The following PIEZO2 variants were observed in gnomAD, a reference collection of about 807,000 sequenced individuals.
PIEZO2 encodes piezo type mechanosensitive ion channel component 2.
In PIEZO2, 172 loss-of-function variants were observed where a neutral mutation model predicts 337.3. The ratio of observed to expected loss-of-function variants is 0.51; its 90% CI spans 0.45 to 0.58. The LOEUF (loss-of-function observed/expected upper bound fraction) is 0.58. Ranked by LOEUF, PIEZO2 falls within the 20% of genes least tolerant of loss-of-function variation. The probability of loss-of-function intolerance (pLI) is 0.00; values close to 1 mark genes in which losing one functional copy is unlikely to be tolerated. For synonymous variants in PIEZO2, 1,251 were observed against 1,228.5 expected (o/e 1.02, Z -0.38); for missense variants, 3,028 against 3,391.3 (o/e 0.89, Z 2.66).
chr18:10,869,716 T>G (rs2042093496), intron 5 of PIEZO2, among the ~76,000 whole-genome samples: 1 of 152,226 alleles, frequency 6.6e-6, no homozygotes, highest in Non-Finnish European at 1.5e-5. Context: ...ATGCATGCCT[T>G]ATGGTGTCAA....
Position 10,758,020 on chromosome 18 carries a change from T to A in PIEZO2, c.3872A>T (p.Asp1291Val), listed in dbSNP as rs1179702583. 6.5e-7 allele frequency: 1 copy of A among 1,537,058 alleles called. No individual in the cohort carries two copies. The highest frequency in any genetic ancestry group is 8.7e-7 in the Non-Finnish European group (1 of 1,146,752). ...GTTATGTTGGCTGAAGGAGGCCGCA[T>A]CAAGGTTCATGCAGATCTCGACATT... is the stretch of plus-strand genomic sequence containing the variant. ...GDNVEICMNL[D>V]AASFSQHNPV... The change falls in exon 27 of 56, where the codon GAT becomes GTT. Residue 1291 changes from aspartate to valine, a missense_variant. Coordinates refer to ENST00000674853, the MANE Select transcript of PIEZO2 (RefSeq NM_001378183.1).
At chr18:11,137,852 G>A (rs963980406) in intron 1 of PIEZO2, among the ~76,000 whole-genome samples, 1 of 152,182 alleles carries the variant, frequency 6.6e-6, no homozygotes, top group Non-Finnish European at 1.5e-5. Context: ...AAAACAGATC[G>A]ATTTGTGTGG....
rs146491222 is a variant in PIEZO2, at chr18:11,119,417, C to T, written c.64+29108G>A. Among the ~76,000 whole-genome samples, 1,519 of 152,214 alleles carry T rather than the reference C, an allele frequency of 1.0e-2. 30 individuals carry two copies. The highest frequency in any genetic ancestry group is 0.035 in the African/African-American group (1,447 of 41,520). On this transcript the variant is annotated intron_variant, in intron 1 of 55. Transcript: ENST00000674853. ...CCTCCCAAAGTGCTGGGATAATAGG[C>T]GTGAGCCACCGCGCCCGGCCAAATA...
intron 2 of PIEZO2, among the ~76,000 whole-genome samples, chr18:11,018,756 T>A (rs1289112331): frequency 1.3e-5 from 2 of 152,152 alleles, no homozygotes; most frequent in Non-Finnish European, 2.9e-5. Context: ...TGGAACCCCA[T>A]GAAGAGATCT....
chr18:11,108,736 T>C (rs1598972421), intron 1 of PIEZO2, among the ~76,000 whole-genome samples: 3 of 152,060 alleles, frequency 2.0e-5, no homozygotes, highest in East Asian at 3.9e-4. Flanking sequence ...GTCTGGTCTG[T>C]CTCATGTTAG....
intron 47 of PIEZO2, among the ~76,000 whole-genome samples, chr18:10,692,994 T>C (rs1419015607): frequency 6.6e-6 from 1 of 152,132 alleles, no homozygotes; most frequent in Non-Finnish European, 1.5e-5. Context: ...AATTCACAAG[T>C]ATTTTGATGC....
In PIEZO2 at chr18:11,129,504, C is replaced by A. The variant is rs778532511; in HGVS notation, c.64+19021G>T. 6.6e-6 allele frequency among the ~76,000 whole-genome samples: 1 copy of A among 152,090 alleles called. No individual in the cohort carries two copies. The highest frequency in any genetic ancestry group is 6.5e-5 in the Admixed American group (1 of 15,274). ...TTATACAAACAGAAAACTTCTAGGT[C>A]GAATGGACAAAAGACTAATTTGAAT... On this transcript the variant is annotated intron_variant, in intron 1 of 55. Coordinates refer to ENST00000674853, the MANE Select transcript of PIEZO2 (RefSeq NM_001378183.1). This position sits in a 1 kb window ranked among gnomAD's most constrained non-coding sequence, Gnocchi z 4.6.
chr18:10,683,894 T>C (rs1214349256), intron 49 of PIEZO2, among the ~76,000 whole-genome samples: 1 of 152,144 alleles, frequency 6.6e-6, no homozygotes, highest in African/African-American at 2.4e-5. Context: ...TTGAGGTTCA[T>C]CTCAAAAATT....
At chr18:10,709,672 T>C (rs1439326781) in intron 39 of PIEZO2, 1 of 152,272 alleles carries the variant, frequency 6.6e-6, no homozygotes, top group African/African-American at 2.4e-5. Context: ...AGGAGCGAAT[T>C]TGAGTTATTC....
rs2040382161 is a variant in PIEZO2, at chr18:11,132,993, C to A, written c.64+15532G>T. On this transcript the variant is annotated intron_variant, in intron 1 of 55. Transcript: ENST00000674853. The surrounding 1 kb of genome is among the most constrained non-coding windows in gnomAD (Gnocchi z 4.7). ...ACTCCACCAGGAAAAAAACCATGAT[C>A]TCCTGAGATGCTTGCTGAAGGCAAA... Among the ~76,000 whole-genome samples the A allele has an allele frequency of 6.6e-6, 1 of 152,128 alleles. No individual in the cohort carries two copies. Among genetic ancestry groups the A allele is most frequent in the Admixed American group, 6.5e-5 (1 of 15,274 alleles).
At chr18:10,967,908 A>C (rs995166657) in intron 3 of PIEZO2, among the ~76,000 whole-genome samples, 1 of 150,818 alleles carries the variant, frequency 6.6e-6, no homozygotes, top group Non-Finnish European at 1.5e-5. Flanking sequence ...TACTCTGCTG[A>C]TTATTATTAT....
At position 10,800,486 on chromosome 18, in the gene PIEZO2, T is replaced by A. The variant is rs568461460; in HGVS notation, c.1240-11A>T. 3 of 1,522,072 alleles carry A rather than the reference T, an allele frequency of 2.0e-6. No individual in the cohort carries two copies. In the African/African-American group the frequency reaches 4.2e-5, roughly 21 times the overall value. 94.3% of individuals were successfully genotyped at this position (1,522,072 alleles called of 1,614,324 possible). A position where few individuals can be genotyped will look rare whatever the true frequency, so the allele number is the denominator to read the frequency against. ...AGTCACCAGCAGGCCCTGCCGGGAG[T>A]GCAGAGAAAGGGACAACTGTTACAG... On this transcript the variant is annotated splice_polypyrimidine_tract_variant and intron_variant, in intron 10 of 55. Coordinates refer to ENST00000674853, the MANE Select transcript of PIEZO2 (RefSeq NM_001378183.1).
chr18:11,121,789 G>C (rs1449670655), intron 1 of PIEZO2, among the ~76,000 whole-genome samples: 2 of 152,176 alleles, frequency 1.3e-5, no homozygotes, highest in African/African-American at 2.4e-5. Context: ...CCAGCAATGA[G>C]AGGACATATT....
Position 11,078,777 on chromosome 18 carries a change from C to T in PIEZO2, c.65-12555G>A, listed in dbSNP as rs918855266. On this transcript the variant is annotated intron_variant, in intron 1 of 55. Coordinates refer to ENST00000674853, the MANE Select transcript of PIEZO2 (RefSeq NM_001378183.1). The surrounding 1 kb of genome is among the most constrained non-coding windows in gnomAD (Gnocchi z 5.3). ...TGGATGAATGCCTCAAAATGAACCT[C>T]TTTTGCCAGATCTCTTCAGTCTCTA... Among the ~76,000 whole-genome samples, 3 of 152,222 alleles carry T rather than the reference C, an allele frequency of 2.0e-5. No individual in the cohort carries two copies. Among genetic ancestry groups the T allele is most frequent in the Non-Finnish European group, 4.4e-5 (3 of 68,040 alleles).
chr18:11,144,032 CA>C (rs1402138957), intron 1 of PIEZO2, among the ~76,000 whole-genome samples: 1 of 152,184 alleles, frequency 6.6e-6, no homozygotes, highest in African/African-American at 2.4e-5. Flanking sequence ...AGGGCAGAGC[CA>C]TGAGGTCAAT....
intron 2 of PIEZO2, among the ~76,000 whole-genome samples, chr18:11,036,393 T>C (rs2036926042): frequency 2.0e-5 from 3 of 152,158 alleles, no homozygotes. Flanking sequence ...CCTCTTTGAC[T>C]TGGCTGCTAA....
chr18:10,673,279 A>G lies in PIEZO2; in HGVS notation c.8162-406T>C, dbSNP rs62093930. On this transcript the variant is annotated intron_variant, in intron 54 of 55. Transcript: ENST00000674853. The surrounding 1 kb of genome is among the most constrained non-coding windows in gnomAD (Gnocchi z 4.8). Reference sequence around the variant, plus strand: ...ATGTCTCATAGGAGGAAGGCACTCAATTAGGTGCTAAAGGGTTCCAAAATT... The same window carrying G: ...ATGTCTCATAGGAGGAAGGCACTCAGTTAGGTGCTAAAGGGTTCCAAAATT... Among the ~76,000 whole-genome samples the G allele has an allele frequency of 0.018, 2,730 of 152,340 alleles. 32 individuals carry two copies. The highest frequency in any genetic ancestry group is 0.071 in the Middle Eastern group (21 of 294).
chr18:10,804,563 GGCA>G (rs2039934776), intron 8 of PIEZO2, among the ~76,000 whole-genome samples: 1 of 152,184 alleles, frequency 6.6e-6, no homozygotes, highest in African/African-American at 2.4e-5. Context: ...TAGTGAAAAG[GGCA>G]GTCAGGCATC....
At position 10,837,066 on chromosome 18, in the gene PIEZO2, A is replaced by G. The variant is rs918569283; in HGVS notation, c.917+18287T>C. Among the ~76,000 whole-genome samples the G allele has an allele frequency of 1.8e-4, 27 of 152,170 alleles. No individual in the cohort carries two copies. The highest frequency in any genetic ancestry group is 3.7e-4 in the Non-Finnish European group (25 of 68,038). On this transcript the variant is annotated intron_variant, in intron 7 of 55. Transcript: ENST00000674853. The surrounding 1 kb of genome is among the most constrained non-coding windows in gnomAD (Gnocchi z 4.4). ...GTATAATCACTCTTACACACTCATA[A>G]CCTGTATGTTAGTTTCTTAGGCAAA...
Sources: allele counts gnomAD v4.1 joint callset (sites outside exome capture counted in the v4.1 genomes callset), GRCh38; gene constraint gnomAD v4.1.1; non-coding constraint Gnocchi (gnomAD v3.1); transcripts MANE v1.5; gene names NCBI Gene and HGNC (gene_info 2026-07-23, HGNC 2026-07-21).